Variants in ZNF804A observed in about 807,000 individuals in gnomAD.
ZNF804A encodes the protein zinc finger protein 804A.
A neutral mutation model predicts 16.5 loss-of-function variants in ZNF804A; 2 were observed. The observed-to-expected ratio is 0.12, with a 90% CI of 0.05 to 0.38. The LOEUF (loss-of-function observed/expected upper bound fraction) is 0.38. ZNF804A is among the 10% of genes least tolerant of loss of function. The pLI is 0.99. For synonymous variants in ZNF804A, 534 were observed against 489.6 expected, an observed-to-expected ratio of 1.09 and a Z score of -1.20; for missense variants, 1,473 against 1,390.7, an observed-to-expected ratio of 1.06 and a Z score of -0.94.
At chr2:184,797,667 T>C (rs1320577597) in intron 1 of ZNF804A, among the ~76,000 whole-genome samples, 1 of 152,194 alleles carries the variant, frequency 6.6e-6, no homozygotes, top group Non-Finnish European at 1.5e-5. Flanking sequence ...CATCATGCTA[T>C]TTGTTGCCTG....
chr2:184,837,688 T>G (rs956243117), intron 1 of ZNF804A, among the ~76,000 whole-genome samples: 18 of 152,162 alleles, frequency 1.2e-4, no homozygotes, highest in Admixed American at 9.8e-4. Flanking sequence ...TATTATGATC[T>G]ATCATTTTAT....
intron 1 of ZNF804A, among the ~76,000 whole-genome samples, chr2:184,776,061 C>T (rs1447385955): frequency 6.6e-6 from 1 of 151,398 alleles, no homozygotes; most frequent in Non-Finnish European, 1.5e-5. Context: ...GTACCAGGCA[C>T]CATTTAAAAT....
intron 1 of ZNF804A, among the ~76,000 whole-genome samples, chr2:184,856,268 A>G (rs1217332221): frequency 1.3e-5 from 2 of 152,068 alleles, no homozygotes; most frequent in African/African-American, 4.8e-5. Context: ...AAACATTTTA[A>G]AAAGCCATCT....
At chr2:184,835,664 GAA>G (rs112941339) in intron 1 of ZNF804A, among the ~76,000 whole-genome samples, 115 of 137,558 alleles carry the variant, frequency 8.4e-4, no homozygotes, top group African/African-American at 3.2e-3. Flanking sequence ...AGGAAGGCAT[GAA>G]AAAAAAAAAA....
chr2:184,854,415 T>C (rs1255422858), intron 1 of ZNF804A, among the ~76,000 whole-genome samples: 1 of 151,702 alleles, frequency 6.6e-6, no homozygotes, highest in African/African-American at 2.4e-5. Context: ...AGGCCAGATA[T>C]GCCAACAACA....
chr2:184,769,295 A>G (rs1391100088), intron 1 of ZNF804A, among the ~76,000 whole-genome samples: 1 of 152,102 alleles, frequency 6.6e-6, no homozygotes, highest in African/African-American at 2.4e-5. Flanking sequence ...CAGGCTCCCG[A>G]GAACCTACAT....
chr2:184,865,022 G>A (rs564906842), intron 1 of ZNF804A, among the ~76,000 whole-genome samples: 1 of 151,832 alleles, frequency 6.6e-6, no homozygotes, highest in South Asian at 2.1e-4. Flanking sequence ...TGGGATTACA[G>A]GTGCCTGCCA....
At chr2:184,612,107 T>C (rs1691247613) in intron 1 of ZNF804A, among the ~76,000 whole-genome samples, 1 of 152,206 alleles carries the variant, frequency 6.6e-6, no homozygotes. Context: ...GAAATGTTCA[T>C]GGAGTACATT....
At chr2:184,883,590 A>G (rs930347979) in intron 2 of ZNF804A, among the ~76,000 whole-genome samples, 1 of 152,132 alleles carries the variant, frequency 6.6e-6, no homozygotes, top group African/African-American at 2.4e-5. Context: ...CACATCAAAA[A>G]GCTAATCCAC....
At chr2:184,924,218 G>A (rs1161638914) in intron 2 of ZNF804A, among the ~76,000 whole-genome samples, 2 of 151,790 alleles carry the variant, frequency 1.3e-5, no homozygotes, top group Admixed American at 6.6e-5. Context: ...TTCTTACTAG[G>A]AGGCTTTTTA....
At chr2:184,770,516 T>C (rs1026469720) in intron 1 of ZNF804A, among the ~76,000 whole-genome samples, 1 of 152,066 alleles carries the variant, frequency 6.6e-6, no homozygotes, top group African/African-American at 2.4e-5. Flanking sequence ...TGTGAGTAGT[T>C]TACTCATTTA....
intron 2 of ZNF804A, 148 bp downstream of exon 2, chr2:184,866,660 A>G: frequency 1.6e-6 from 1 of 607,218 alleles, no homozygotes; most frequent in Non-Finnish European, 2.4e-6. Flanking sequence ...TGATAATTTG[A>G]TGACTTACAG....
intron 1 of ZNF804A, among the ~76,000 whole-genome samples, chr2:184,681,431 T>G (rs1019022010): frequency 5.3e-5 from 8 of 152,218 alleles, no homozygotes; most frequent in African/African-American, 1.9e-4. Flanking sequence ...AAAGTGACAT[T>G]ATTCTTGTGC....
intron 1 of ZNF804A, among the ~76,000 whole-genome samples, chr2:184,650,814 A>G (rs11883589): frequency 1.3e-5 from 2 of 152,188 alleles, no homozygotes; most frequent in Non-Finnish European, 2.9e-5. Context: ...ACACAAATGG[A>G]AAAACATTTT....
intron 1 of ZNF804A, among the ~76,000 whole-genome samples, chr2:184,640,109 A>G (rs1691770410): frequency 6.6e-6 from 1 of 152,092 alleles, no homozygotes. Flanking sequence ...TTTGGAACTC[A>G]TATATGTGTA....
At chr2:184,695,424 G>A (rs1348153613) in intron 1 of ZNF804A, among the ~76,000 whole-genome samples, 1 of 132,368 alleles carries the variant, frequency 7.6e-6, no homozygotes, top group Non-Finnish European at 1.5e-5. Flanking sequence ...TTGCGCCACT[G>A]CACTCCAGTC....
At chr2:184,690,142 T>G (rs546575152) in intron 1 of ZNF804A, among the ~76,000 whole-genome samples, 19 of 151,318 alleles carry the variant, frequency 1.3e-4, no homozygotes, top group South Asian at 1.0e-3. Context: ...GAATAAAAAT[T>G]AGTTTGCCCT....
intron 2 of ZNF804A, among the ~76,000 whole-genome samples, chr2:184,881,368 T>A (rs1476787547): frequency 6.8e-6 from 1 of 147,624 alleles, no homozygotes; most frequent in Non-Finnish European, 1.5e-5. Flanking sequence ...CCATGAAAAT[T>A]TTCCCAAACT....
intron 1 of ZNF804A, among the ~76,000 whole-genome samples, chr2:184,728,812 G>T (rs914910098): frequency 3.3e-5 from 5 of 151,692 alleles, no homozygotes; most frequent in African/African-American, 9.7e-5. Flanking sequence ...AAAGTAAAAT[G>T]TTATATATAC....
Sources: allele counts gnomAD v4.1 joint callset (sites outside exome capture counted in the v4.1 genomes callset), GRCh38; gene constraint gnomAD v4.1.1; transcripts MANE v1.5; gene names NCBI Gene and HGNC (gene_info 2026-07-23, HGNC 2026-07-21).